CREB5: variants seen among roughly 807,000 people sequenced by gnomAD.
CREB5 encodes the protein cAMP responsive element binding protein 5.
CREB5 carries 19 observed loss-of-function variants against 57.1 expected under a neutral mutation model. That is an observed-to-expected ratio of 0.33 (90% CI 0.23 to 0.49). CREB5 has a LOEUF of 0.49. Ranked by LOEUF, CREB5 falls within the 20% of genes least tolerant of loss-of-function variation. CREB5 has a pLI of 0.99. For synonymous variants in CREB5, 238 were observed against 238.3 expected (o/e 1.00, Z 0.01); for missense variants, 579 against 671.6 (o/e 0.86, Z 1.52).
chr7:28,807,789 GAAAAA>G (rs539185007), intron 8 of CREB5, among the ~76,000 whole-genome samples: 3 of 143,990 alleles, frequency 2.1e-5, no homozygotes, highest in Non-Finnish European at 4.6e-5. Context: ...AATGGGAGAG[GAAAAA>G]AAAAAACACC....
At chr7:28,776,302 C>T (rs1441410502) in intron 7 of CREB5, among the ~76,000 whole-genome samples, 1 of 148,254 alleles carries the variant, frequency 6.7e-6, no homozygotes, top group East Asian at 2.0e-4. Flanking sequence ...AGCGCCACTG[C>T]ACTCCCGCCT....
intron 1 of CREB5, among the ~76,000 whole-genome samples, chr7:28,392,615 G>C (rs1206271885): frequency 1.3e-5 from 2 of 152,098 alleles, no homozygotes; most frequent in African/African-American, 4.8e-5. Flanking sequence ...ATTCACTCTT[G>C]ACCTTGACTG....
chr7:28,348,414 A>T (rs2391661), intron 1 of CREB5, among the ~76,000 whole-genome samples: 20,812 of 78,582 alleles, frequency 0.26, 1,608 homozygotes, highest in East Asian at 0.56. Flanking sequence ...TCTCTCACAC[A>T]CACACACACA....
chr7:28,691,992 A>G (rs1801289315), intron 5 of CREB5, among the ~76,000 whole-genome samples: 1 of 144,442 alleles, frequency 6.9e-6, no homozygotes, highest in Admixed American at 7.0e-5. Context: ...AACACGGTGA[A>G]ACCCCCTCTC....
intron 5 of CREB5, among the ~76,000 whole-genome samples, chr7:28,717,119 G>A (rs1276253359): frequency 6.3e-5 from 7 of 111,300 alleles, no homozygotes; most frequent in African/African-American, 1.4e-4. Flanking sequence ...ATGGAATCTC[G>A]CTTTGTGGCC....
At chr7:28,471,458 C>T (rs1225284920) in intron 1 of CREB5, among the ~76,000 whole-genome samples, 1 of 152,080 alleles carries the variant, frequency 6.6e-6, no homozygotes, top group African/African-American at 2.4e-5. Context: ...CAAAACCATG[C>T]TCTTTCGGTT....
chr7:28,784,341 C>CT (rs35272471), intron 7 of CREB5, among the ~76,000 whole-genome samples: 70,103 of 136,018 alleles, frequency 0.52, 16,842 homozygotes, highest in African/African-American at 0.67. Flanking sequence ...ATAAACAACT[C>CT]TTTTTTTTTT....
intron 7 of CREB5, among the ~76,000 whole-genome samples, chr7:28,803,026 A>AGTC: frequency 6.6e-6 from 1 of 152,240 alleles, no homozygotes; most frequent in Non-Finnish European, 1.5e-5. Flanking sequence ...CACAGAAGAT[A>AGTC]AGAGAAGAAA....
At chr7:28,310,779 T>C (rs1785261855) in intron 1 of CREB5, among the ~76,000 whole-genome samples, 1 of 152,232 alleles carries the variant, frequency 6.6e-6, no homozygotes, top group Non-Finnish European at 1.5e-5. Context: ...TACCTCTACG[T>C]GCTTCAGTGT....
chr7:28,740,160 G>A (rs1311360123), intron 7 of CREB5, among the ~76,000 whole-genome samples: 1 of 152,184 alleles, frequency 6.6e-6, no homozygotes, highest in Non-Finnish European at 1.5e-5. Flanking sequence ...GCACCAATAG[G>A]TAAGGGAACT....
At chr7:28,446,979 T>C (rs1789511543) in intron 1 of CREB5, among the ~76,000 whole-genome samples, 1 of 152,112 alleles carries the variant, frequency 6.6e-6, no homozygotes, top group African/African-American at 2.4e-5. Context: ...CTGTGACAGG[T>C]AGTAGAATCT....
intron 1 of CREB5, among the ~76,000 whole-genome samples, chr7:28,332,411 T>TA (rs1280372930): frequency 3.9e-5 from 6 of 152,196 alleles, no homozygotes; most frequent in African/African-American, 1.2e-4. Flanking sequence ...CACAGCATCT[T>TA]ATTGATTTAA....
intron 1 of CREB5, among the ~76,000 whole-genome samples, chr7:28,439,526 A>G (rs951531317): frequency 6.6e-6 from 1 of 152,210 alleles, no homozygotes; most frequent in Non-Finnish European, 1.5e-5. Context: ...AATCCTTACA[A>G]TGAGGTGGTT....
chr7:28,561,901 T>C (rs1795285438), intron 4 of CREB5, among the ~76,000 whole-genome samples: 1 of 152,274 alleles, frequency 6.6e-6, no homozygotes, highest in East Asian at 1.9e-4. Context: ...CCCACCACCA[T>C]GCCCAGCTAA....
chr7:28,816,111 G>C (rs936650344), intron 9 of CREB5, among the ~76,000 whole-genome samples: 6 of 150,028 alleles, frequency 4.0e-5, no homozygotes, highest in African/African-American at 1.5e-4. Flanking sequence ...TTCCTTTCTT[G>C]GTTTTTGTTT....
At chr7:28,701,963 T>C (rs1350093556) in intron 5 of CREB5, among the ~76,000 whole-genome samples, 1 of 152,234 alleles carries the variant, frequency 6.6e-6, no homozygotes, top group African/African-American at 2.4e-5. Flanking sequence ...AGAAGTTTGC[T>C]GTAGACAGTC....
At chr7:28,572,721 G>A (rs2128650282) in intron 5 of CREB5, among the ~76,000 whole-genome samples, 1 of 152,280 alleles carries the variant, frequency 6.6e-6, no homozygotes, top group African/African-American at 2.4e-5. Flanking sequence ...TAAAGTTTAA[G>A]ATGAGTGCTG....
chr7:28,642,987 T>TACACACACACACACACACACACACAC (rs1179446048), intron 5 of CREB5, among the ~76,000 whole-genome samples: 7 of 98,334 alleles, frequency 7.1e-5, no homozygotes, highest in East Asian at 4.2e-4. Flanking sequence ...CACACACACA[T>TACACACACACACACACACACACACAC]ACACACACAC....
At chr7:28,414,942 A>G (rs1787967760) in intron 1 of CREB5, among the ~76,000 whole-genome samples, 1 of 152,184 alleles carries the variant, frequency 6.6e-6, no homozygotes, top group South Asian at 2.1e-4. Context: ...AACCCATAAA[A>G]GATATTATAT....
Sources: gnomAD v4.1 joint callset for allele counts (sites outside exome capture counted in the v4.1 genomes callset) on GRCh38, gnomAD v4.1.1 for gene constraint, MANE v1.5 for transcripts, NCBI Gene and HGNC (gene_info 2026-07-23, HGNC 2026-07-21) for gene names.